Variants in PCDHA10 observed in about 807,000 individuals in gnomAD.
PCDHA10 encodes protocadherin alpha 10.
A neutral mutation model predicts 61.2 loss-of-function variants in PCDHA10; 45 were observed. The ratio of observed to expected loss-of-function variants is 0.74; its 90% CI spans 0.58 to 0.94. The LOEUF (loss-of-function observed/expected upper bound fraction) is 0.94, where lower values mean the gene tolerates loss of function less well. Among genes scored for constraint, PCDHA10 ranks in the 40% least tolerant of loss-of-function variants. PCDHA10 has a pLI of 0.00. For missense variants in PCDHA10, 1,278 were observed against 1,236.2 expected (o/e 1.03, Z -0.51); for synonymous variants, 602 against 548.8 (o/e 1.10, Z -1.35).
At chr5:140,881,330 G>A (rs2153378633) in intron 1 of PCDHA10, 1 of 984,626 alleles carries the variant, frequency 1.0e-6, no homozygotes, top group Non-Finnish European at 1.2e-6. Context: ...ATTTAACCAG[G>A]ACGCCGATTC....
chr5:140,862,862 C>T (rs782494104), intron 1 of PCDHA10: 1 of 507,446 alleles, frequency 2.0e-6, no homozygotes, highest in African/African-American at 3.1e-5. Flanking sequence ...AGCAATGTGA[C>T]GCTGCCAGGT....
At chr5:141,008,863 C>A (rs902385521) in intron 3 of PCDHA10, among the ~76,000 whole-genome samples, 2 of 152,204 alleles carry the variant, frequency 1.3e-5, no homozygotes, top group African/African-American at 2.4e-5. Flanking sequence ...CTCTTCCATG[C>A]TGCATCCCAC....
chr5:140,962,870 T>C (rs558640798), intron 1 of PCDHA10, among the ~76,000 whole-genome samples: 1 of 152,306 alleles, frequency 6.6e-6, no homozygotes, highest in Admixed American at 6.5e-5. Context: ...TAGAGCAACA[T>C]AAATACATGA....
intron 1 of PCDHA10, among the ~76,000 whole-genome samples, chr5:140,964,320 T>C (rs782388382): frequency 1.3e-5 from 2 of 152,206 alleles, no homozygotes; most frequent in Non-Finnish European, 2.9e-5. Context: ...TAAAACAGCA[T>C]AATGGACAAC....
At chr5:140,924,662 A>C (rs891233024) in intron 1 of PCDHA10, among the ~76,000 whole-genome samples, 6 of 152,166 alleles carry the variant, frequency 3.9e-5, no homozygotes, top group Non-Finnish European at 5.9e-5. Flanking sequence ...TGGGAGGCCG[A>C]GGCAGGCCAA....
chr5:140,937,953 T>G (rs955302275), intron 1 of PCDHA10, among the ~76,000 whole-genome samples: 5 of 152,174 alleles, frequency 3.3e-5, no homozygotes, highest in South Asian at 2.1e-4. Flanking sequence ...TGGCTTTTGT[T>G]GAAAGTATAT....
intron 2 of PCDHA10, among the ~76,000 whole-genome samples, chr5:140,981,395 G>A (rs928966988): frequency 5.2e-4 from 79 of 152,210 alleles, no homozygotes; most frequent in African/African-American, 1.9e-3. Context: ...TCAATATGGT[G>A]AAAACCTGTC....
chr5:140,958,468 G>T (rs1554223482), intron 1 of PCDHA10, among the ~76,000 whole-genome samples: 6 of 152,040 alleles, frequency 3.9e-5, no homozygotes, highest in Non-Finnish European at 8.8e-5. Flanking sequence ...ACTTCTGCTG[G>T]CTTAAAGAGC....
At position 140,881,347 on chromosome 5, in the gene PCDHA10, C is replaced by A; in HGVS notation, c.2388+22911C>A. 3 of 985,212 alleles carry A rather than the reference C, an allele frequency of 3.0e-6. No homozygotes were observed. In the African/African-American group the frequency reaches 5.2e-5, roughly 17 times the overall value. 61.0% of individuals were successfully genotyped at this position (985,212 alleles called of 1,614,324 possible). ...TTAACCAGGACGCCGATTCGGGCTA[C>A]AATGCGTGGCTTTCGTATGAATTGC... On this transcript the variant is annotated intron_variant, in intron 1 of 3. Transcript: ENST00000307360.
chr5:140,927,587 T>C (rs1411741184), intron 1 of PCDHA10: 1 of 1,614,044 alleles, frequency 6.2e-7, no homozygotes, highest in African/African-American at 1.3e-5. Flanking sequence ...AACGCGCCTG[T>C]ATTTGAGCGC....
chr5:140,941,963 T>A (rs2093209364), intron 1 of PCDHA10, among the ~76,000 whole-genome samples: 1 of 152,230 alleles, frequency 6.6e-6, no homozygotes. Flanking sequence ...CAATAGTATC[T>A]TTACTTTCCC....
At chr5:140,902,044 AT>A (rs1222362795) in intron 1 of PCDHA10, among the ~76,000 whole-genome samples, 1 of 152,016 alleles carries the variant, frequency 6.6e-6, no homozygotes, top group Admixed American at 6.6e-5. Flanking sequence ...TTGTATGTTG[AT>A]TTTGTATCCT....
intron 1 of PCDHA10, chr5:140,862,407 C>T: frequency 2.8e-6 from 1 of 351,564 alleles, no homozygotes; most frequent in Non-Finnish European, 5.6e-6. Flanking sequence ...TGTCTACCTT[C>T]AAAAGGCGCT....
chr5:140,875,982 T>C (rs782696437), intron 1 of PCDHA10: 8 of 1,613,890 alleles, frequency 5.0e-6, no homozygotes, highest in Middle Eastern at 1.6e-4. Context: ...TTTTGACCTA[T>C]GCGTTAAGTC....
intron 1 of PCDHA10, among the ~76,000 whole-genome samples, chr5:140,910,210 G>A (rs987095100): frequency 6.6e-6 from 1 of 152,120 alleles, no homozygotes; most frequent in Non-Finnish European, 1.5e-5. Context: ...ACTTGACCTG[G>A]AAGTTTTCTG....
chr5:140,894,374 A>G (rs1449305462), intron 1 of PCDHA10, among the ~76,000 whole-genome samples: 1 of 151,940 alleles, frequency 6.6e-6, no homozygotes, highest in African/African-American at 2.4e-5. Flanking sequence ...AATGGCTCCA[A>G]TTATATTTGT....
rs114421153 is a variant in PCDHA10, at chr5:140,919,495, A to T, written c.2389-59454A>T. ...TATTTGGATTTATGTTTGTTATTTT[A>T]CTCCTTTTTCTATATGTTTTAATTC... On this transcript the variant is annotated intron_variant, in intron 1 of 3. Coordinates refer to ENST00000307360, the MANE Select transcript of PCDHA10 (RefSeq NM_018901.4). 4.5e-3 allele frequency among the ~76,000 whole-genome samples: 671 copies of T among 150,296 alleles called. 3 individuals are homozygous for T. Among genetic ancestry groups the T allele is most frequent in the African/African-American group, 0.016 (651 of 40,928 alleles).
chr5:140,885,041 T>C (rs2060440056), intron 1 of PCDHA10, among the ~76,000 whole-genome samples: 1 of 152,250 alleles, frequency 6.6e-6, no homozygotes, highest in Non-Finnish European at 1.5e-5. Flanking sequence ...ATTTTTAGTT[T>C]AATGTATACA....
At chr5:140,931,852 G>A (rs1177917853) in intron 1 of PCDHA10, among the ~76,000 whole-genome samples, 1 of 151,728 alleles carries the variant, frequency 6.6e-6, no homozygotes, top group Admixed American at 6.6e-5. Flanking sequence ...AATAACAACA[G>A]GATTCTAGAA....
Sources: allele counts gnomAD v4.1 joint callset (sites outside exome capture counted in the v4.1 genomes callset), GRCh38; gene constraint gnomAD v4.1.1; transcripts MANE v1.5; gene names NCBI Gene and HGNC (gene_info 2026-07-23, HGNC 2026-07-21).